ARMC9: variants seen among roughly 807,000 people sequenced by gnomAD.
ARMC9 encodes armadillo repeat containing 9.
A neutral mutation model predicts 107.0 loss-of-function variants in ARMC9; 94 were observed. That is an observed-to-expected ratio of 0.88 (90% CI 0.74 to 1.04). The LOEUF (loss-of-function observed/expected upper bound fraction) is 1.04, where lower values mean the gene tolerates loss of function less well. ARMC9 is among the 50% of genes least tolerant of loss of function. The pLI, the probability that ARMC9 is intolerant of heterozygous loss-of-function variation, is 0.00. For missense variants in ARMC9, 942 were observed against 1,030.1 expected, an observed-to-expected ratio of 0.91 and a Z score of 1.17; for synonymous variants, 380 against 396.9, an observed-to-expected ratio of 0.96 and a Z score of 0.51.
rs188725655 is a variant in ARMC9 at position 231,247,467 on chromosome 2, C to T, written c.879+7426C>T. 1.5e-3 allele frequency among the ~76,000 whole-genome samples: 232 copies of T among 152,300 alleles called. 1 individual carries two copies. The highest frequency in any genetic ancestry group is 5.5e-3 in the African/African-American group (227 of 41,566). ...TCTCCCCAGTGTGATTTTCTTACATCTTGGCAAATGCCTACGCTTTCCCCA... is the reference window on the plus strand; with the variant it reads ...TCTCCCCAGTGTGATTTTCTTACATTTTGGCAAATGCCTACGCTTTCCCCA... On this transcript the variant is annotated intron_variant, in intron 9 of 24. Coordinates refer to ENST00000611582, the MANE Select transcript of ARMC9 (RefSeq NM_001352754.2).
chr2:231,314,595 C>G (rs1575052556), intron 19 of ARMC9, among the ~76,000 whole-genome samples: 1 of 152,200 alleles, frequency 6.6e-6, no homozygotes, highest in African/African-American at 2.4e-5. Context: ...TGTTTAGCGG[C>G]ATCCATGGCC....
chr2:231,248,498 A>G (rs1334991245), intron 9 of ARMC9, among the ~76,000 whole-genome samples: 1 of 152,038 alleles, frequency 6.6e-6, no homozygotes, highest in Non-Finnish European at 1.5e-5. Context: ...TTTAACGTGC[A>G]AGTGCCCCTT....
At chr2:231,369,855 G>C (rs2045949496) in intron 23 of ARMC9, 98 bp from the exon 24 acceptor site, 4 of 1,241,348 alleles carry the variant, frequency 3.2e-6, no homozygotes, top group Non-Finnish European at 1.0e-6. Flanking sequence ...TGGCCTCTCA[G>C]AGTGCTGGGA....
intron 7 of ARMC9, among the ~76,000 whole-genome samples, chr2:231,234,235 C>T (rs1371897147): frequency 6.6e-6 from 1 of 152,164 alleles, no homozygotes; most frequent in Non-Finnish European, 1.5e-5. Flanking sequence ...GTGGTATGGG[C>T]AAAGAAGTGC....
intron 19 of ARMC9, among the ~76,000 whole-genome samples, chr2:231,328,928 C>CCT (rs1488771735): frequency 2.0e-5 from 3 of 151,506 alleles, no homozygotes; most frequent in Non-Finnish European, 4.4e-5. Context: ...CATTCCCCTG[C>CCT]CTCAGCCTCC....
At chr2:231,351,514 G>A (rs967240743) in intron 21 of ARMC9, among the ~76,000 whole-genome samples, 7 of 152,080 alleles carry the variant, frequency 4.6e-5, no homozygotes, top group Non-Finnish European at 1.0e-4. Context: ...TATTCCAGCA[G>A]CCAGAGAGAA....
chr2:231,323,767 G>T (rs1264099207), intron 19 of ARMC9, among the ~76,000 whole-genome samples: 1 of 152,174 alleles, frequency 6.6e-6, no homozygotes, highest in Non-Finnish European at 1.5e-5. Context: ...CAAGAATCAT[G>T]TCTTTCTGAA....
chr2:231,211,208 A>T (rs1177094567), intron 3 of ARMC9, among the ~76,000 whole-genome samples: 1 of 151,618 alleles, frequency 6.6e-6, no homozygotes, highest in Non-Finnish European at 1.5e-5. Context: ...GGTTGCTTCC[A>T]CCTCTTGGCT....
chr2:231,222,519 A>G (rs1282083504), intron 5 of ARMC9, among the ~76,000 whole-genome samples: 1 of 152,088 alleles, frequency 6.6e-6, no homozygotes, highest in Non-Finnish European at 1.5e-5. Context: ...AAAGAACTCT[A>G]TTTTTTCTTC....
At chr2:231,320,643 A>G (rs1235698861) in intron 19 of ARMC9, among the ~76,000 whole-genome samples, 1 of 151,894 alleles carries the variant, frequency 6.6e-6, no homozygotes, top group Non-Finnish European at 1.5e-5. Flanking sequence ...GGAGCTATAT[A>G]GAATAAGCCT....
intron 5 of ARMC9, among the ~76,000 whole-genome samples, chr2:231,218,092 C>T (rs1322913305): frequency 6.6e-6 from 1 of 152,210 alleles, no homozygotes; most frequent in African/African-American, 2.4e-5. Context: ...ATTTCAGCAT[C>T]CCATTCAGTT....
At chr2:231,311,010 C>G (rs1324958265) in intron 19 of ARMC9, among the ~76,000 whole-genome samples, 1 of 151,990 alleles carries the variant, frequency 6.6e-6, no homozygotes, top group African/African-American at 2.4e-5. Flanking sequence ...AACTGTAGTC[C>G]CAGCTACTTG....
In ARMC9 at chr2:231,255,777, C is replaced by G. The variant is rs527821223; in HGVS notation, c.880-809C>G. Among the ~76,000 whole-genome samples the G allele has an allele frequency of 9.2e-5, 14 of 152,308 alleles. No homozygotes were observed. The highest frequency in any genetic ancestry group is 2.6e-4 in the Admixed American group (4 of 15,302). ...TCTGGGCCAGGCGCAGTGGCTCACG[C>G]CTGTAATCCCAACACTTTGGGAGGC... On this transcript the variant is annotated intron_variant, in intron 9 of 24. Transcript: ENST00000611582. This position sits in a 1 kb window ranked among gnomAD's most constrained non-coding sequence, Gnocchi z 4.7.
At chr2:231,312,628 AT>A (rs747350891) in intron 19 of ARMC9, among the ~76,000 whole-genome samples, 1 of 144,242 alleles carries the variant, frequency 6.9e-6, no homozygotes, top group African/African-American at 2.6e-5. Context: ...AAAATCTAAG[AT>A]TTTTTTTTCC....
At chr2:231,253,078 T>A (rs1450102488) in intron 9 of ARMC9, among the ~76,000 whole-genome samples, 3 of 151,794 alleles carry the variant, frequency 2.0e-5, no homozygotes, top group Non-Finnish European at 2.9e-5. Context: ...CTGAGCCACT[T>A]TTTTAATTTT....
intron 17 of ARMC9, 110 bp downstream of exon 17, chr2:231,282,243 C>A: frequency 3.7e-6 from 4 of 1,085,922 alleles, no homozygotes; most frequent in Non-Finnish European, 4.2e-6. Flanking sequence ...AGATCCGTTC[C>A]AAACTCCTTG....
rs114055190 is a variant in ARMC9, at chr2:231,261,212, C to T, written c.1027-1094C>T. On this transcript the variant is annotated intron_variant, in intron 11 of 24. Transcript: ENST00000611582. ...CTGAAAAAGCAAGGATATTTGCTCA[C>T]TCTGTTACATGCTTTTTCATATCCC... Among the ~76,000 whole-genome samples the T allele has an allele frequency of 2.1e-3, 325 of 152,348 alleles. 2 individuals carry two copies. Among genetic ancestry groups the T allele is most frequent in the African/African-American group, 7.5e-3 (311 of 41,576 alleles).
intron 9 of ARMC9, among the ~76,000 whole-genome samples, chr2:231,249,877 CCA>C (rs2037134481): frequency 1.5e-5 from 1 of 65,882 alleles, no homozygotes; most frequent in African/African-American, 1.1e-4. Flanking sequence ...AGACCACCGC[CCA>C]CCCGTGCACA....
chr2:231,274,407 C>T (rs1316440492), intron 14 of ARMC9, among the ~76,000 whole-genome samples: 3 of 152,050 alleles, frequency 2.0e-5, no homozygotes, highest in Non-Finnish European at 4.4e-5. Context: ...TGAGCCACCG[C>T]GCCCGGCCTA....
Sources: allele counts gnomAD v4.1 joint callset (sites outside exome capture counted in the v4.1 genomes callset), GRCh38; gene constraint gnomAD v4.1.1; non-coding constraint Gnocchi (gnomAD v3.1); transcripts MANE v1.5; gene names NCBI Gene and HGNC (gene_info 2026-07-23, HGNC 2026-07-21).